ANO1: variants seen among roughly 807,000 people sequenced by gnomAD.
ANO1 encodes the protein anoctamin 1, also known as anoctamin-1.
ANO1 carries 59 observed loss-of-function variants against 124.0 expected under a neutral mutation model. That is an observed-to-expected ratio of 0.48 (90% CI 0.39 to 0.59). The LOEUF (loss-of-function observed/expected upper bound fraction) is 0.59, where lower values mean the gene tolerates loss of function less well. ANO1 is among the 20% of genes least tolerant of loss of function. The pLI is 0.00. For synonymous variants in ANO1, 529 were observed against 532.0 expected (o/e 0.99, Z 0.08); for missense variants, 1,059 against 1,328.0 (o/e 0.80, Z 3.15).
chr11:70,052,559 T>TTTTTTTTTTTTTG (rs1857368430), intron 1 of ANO1, among the ~76,000 whole-genome samples: 1 of 135,590 alleles, frequency 7.4e-6, no homozygotes, highest in Non-Finnish European at 1.6e-5. Flanking sequence ...TTTTTTTTTT[T>TTTTTTTTTTTTTG]TTTTTTTTTT....
At chr11:70,051,524 C>T (rs782047134) in intron 1 of ANO1, among the ~76,000 whole-genome samples, 18 of 152,224 alleles carry the variant, frequency 1.2e-4, no homozygotes, top group Non-Finnish European at 2.4e-4. Flanking sequence ...AGAAACGCCA[C>T]ATCTTCCCTG....
chr11:70,124,277 C>T (rs1193077236), intron 8 of ANO1, 73 bp from the exon 9 acceptor site: 54 of 1,426,102 alleles, frequency 3.8e-5, no homozygotes, highest in Middle Eastern at 1.7e-4. Context: ...GCTCAGTCCC[C>T]GCAGCTCTGC....
intron 1 of ANO1, among the ~76,000 whole-genome samples, chr11:70,080,136 C>T (rs565517707): frequency 7.9e-5 from 12 of 152,380 alleles, no homozygotes; most frequent in South Asian, 6.2e-4. Flanking sequence ...CCGTTATCCA[C>T]GGCAGTGACA....
At chr11:70,135,090 G>A (rs2046905384) in intron 11 of ANO1, among the ~76,000 whole-genome samples, 1 of 152,182 alleles carries the variant, frequency 6.6e-6, no homozygotes, top group South Asian at 2.1e-4. Context: ...CACAGTGGGG[G>A]CCCAGCTCCA....
intron 5 of ANO1, among the ~76,000 whole-genome samples, chr11:70,107,623 C>T (rs999320): frequency 0.62 from 94,416 of 151,742 alleles, 29,644 homozygotes; most frequent in East Asian, 0.68. Flanking sequence ...GTTCTTCTCA[C>T]CCCAGTTTAC....
upstream of ANO1, among the ~76,000 whole-genome samples, chr11:69,985,269 T>G (rs1554996736): frequency 6.6e-6 from 1 of 150,554 alleles, no homozygotes; most frequent in African/African-American, 2.4e-5. Flanking sequence ...TTCCCCCACT[T>G]TGAAACCCTT....
chr11:70,149,900 T>G, intron 12 of ANO1, 108 bp downstream of exon 12: 3 of 1,310,688 alleles, frequency 2.3e-6, no homozygotes, highest in Non-Finnish European at 3.2e-6. Flanking sequence ...GCACTTCTGG[T>G]CCAAGCTGAG....
At chr11:70,092,307 A>G (rs890784372) in intron 2 of ANO1, among the ~76,000 whole-genome samples, 1 of 152,240 alleles carries the variant, frequency 6.6e-6, no homozygotes, top group Non-Finnish European at 1.5e-5. Flanking sequence ...GATAAGTGCC[A>G]GGAGTTAGGA....
At chr11:70,154,460 CTTTTTTTT>C (rs35077245) in intron 14 of ANO1, among the ~76,000 whole-genome samples, 4 of 84,262 alleles carry the variant, frequency 4.7e-5, no homozygotes, top group African/African-American at 1.8e-4. Flanking sequence ...GGAAGTATGT[CTTTTTTTT>C]TTTTTTTTTT....
At chr11:70,026,065 TGTG>T (rs781847943) in intron 1 of ANO1, among the ~76,000 whole-genome samples, 68 of 111,336 alleles carry the variant, frequency 6.1e-4, no homozygotes, top group South Asian at 1.2e-3. Flanking sequence ...GTGATGATGA[TGTG>T]GTGGTGGTGA....
At chr11:69,992,261 A>C (rs953502758) in intron 1 of ANO1, among the ~76,000 whole-genome samples, 1 of 150,360 alleles carries the variant, frequency 6.7e-6, no homozygotes, top group Non-Finnish European at 1.5e-5. Context: ...TGGATGATGG[A>C]TAAATGGATG....
intron 1 of ANO1, among the ~76,000 whole-genome samples, chr11:70,057,434 T>TGTGTG (rs1857464179): frequency 1.3e-5 from 2 of 149,922 alleles, no homozygotes; most frequent in Non-Finnish European, 3.0e-5. Flanking sequence ...AACTCCAATT[T>TGTGTG]TGTGTGTGTG....
At chr11:70,025,345 T>C (rs1203945823) in intron 1 of ANO1, among the ~76,000 whole-genome samples, 1 of 152,236 alleles carries the variant, frequency 6.6e-6, no homozygotes, top group Non-Finnish European at 1.5e-5. Flanking sequence ...GCAATCATGA[T>C]CATGATAATG....
At chr11:70,005,531 GGCCTC>G (rs1191208635) in intron 1 of ANO1, among the ~76,000 whole-genome samples, 1 of 152,228 alleles carries the variant, frequency 6.6e-6, no homozygotes, top group Non-Finnish European at 1.5e-5. Flanking sequence ...AGCCAAACAT[GGCCTC>G]ATTGTTGATC....
chr11:70,085,274 G>A (rs1359462725), intron 1 of ANO1: 2 of 1,037,708 alleles, frequency 1.9e-6, no homozygotes, highest in Admixed American at 3.0e-5. Context: ...ATGGGGCTGG[G>A]CATGGGAACC....
At chr11:70,013,008 A>G (rs963207232) in intron 1 of ANO1, among the ~76,000 whole-genome samples, 6 of 152,228 alleles carry the variant, frequency 3.9e-5, no homozygotes, top group African/African-American at 1.2e-4. Flanking sequence ...GGCGCAATGA[A>G]GGAAAAGGGC....
In ANO1 at chr11:70,124,467, G is replaced by A. The variant is rs1347904756; in HGVS notation, c.962+53G>A. The A allele has an allele frequency of 1.6e-5, 25 of 1,559,858 alleles. No individual in the cohort carries two copies. In the East Asian group the frequency reaches 2.5e-4, roughly 15 times the overall value. ...TCAAGTCCCTACTCCGATGGCAGTC[G>A]GATAACATCCCTGTGGGTTTCAACC... On this transcript the variant is annotated intron_variant, in intron 9 of 25. Coordinates refer to ENST00000355303, the MANE Select transcript of ANO1 (RefSeq NM_018043.7).
At chr11:70,093,859 C>T (rs568812608) in intron 2 of ANO1, among the ~76,000 whole-genome samples, 155 of 152,368 alleles carry the variant, frequency 1.0e-3, no homozygotes, top group Non-Finnish European at 1.5e-3. Context: ...GACGCAACCT[C>T]GGGGCTCCGA....
intron 18 of ANO1, among the ~76,000 whole-genome samples, chr11:70,162,051 C>G (rs1333136770): frequency 6.8e-6 from 1 of 147,980 alleles, no homozygotes; most frequent in African/African-American, 2.5e-5. Flanking sequence ...CAGTGAGGAC[C>G]GGGGAGTGAG....
Sources: gnomAD v4.1 joint callset for allele counts (sites outside exome capture counted in the v4.1 genomes callset) on GRCh38, gnomAD v4.1.1 for gene constraint, MANE v1.5 for transcripts, NCBI Gene and HGNC (gene_info 2026-07-23, HGNC 2026-07-21) for gene names.